Variants in WNT9B observed in about 807,000 individuals in gnomAD.
The protein encoded by WNT9B is Wnt family member 9B.
In WNT9B, 12 loss-of-function variants were observed where a neutral mutation model predicts 30.2. The observed-to-expected ratio is 0.40, with a 90% CI of 0.26 to 0.64. The LOEUF (loss-of-function observed/expected upper bound fraction) is 0.64, where lower values mean the gene tolerates loss of function less well. WNT9B is among the 30% of genes least tolerant of loss of function. The pLI is 0.42. For missense variants in WNT9B, 442 were observed against 485.2 expected, an observed-to-expected ratio of 0.91 and a Z score of 0.84; for synonymous variants, 218 against 216.9, an observed-to-expected ratio of 1.01 and a Z score of -0.05.
At chr17:46,835,904 C>T (rs1003630564) in intron 1 of WNT9B, among the ~76,000 whole-genome samples, 6 of 152,230 alleles carry the variant, frequency 3.9e-5, no homozygotes, top group African/African-American at 4.8e-5. Flanking sequence ...ACAGGAGACC[C>T]GGCCCTTCTC....
Position 46,875,355 on chromosome 17 carries a change from G to A in WNT9B, c.589G>A (p.Val197Met), listed in dbSNP as rs201480547. Reference sequence around the variant, plus strand: ...ACGGGCAGACGCCCACAATACCCACGTGGGCATCAAGGTGAGCATGTCCCT... The same window carrying A: ...ACGGGCAGACGCCCACAATACCCACATGGGCATCAAGGTGAGCATGTCCCT... ...RARADAHNTH[V>M]GIKAVKSGLR... Residue 197 changes from valine (V) to methionine (M), a missense_variant, in exon 3 of 4, where the codon GTG becomes ATG. Transcript: ENST00000290015. 402 of 1,604,430 alleles carry A rather than the reference G, an allele frequency of 2.5e-4. 2 individuals carry two copies. Among genetic ancestry groups the A allele is most frequent in the Middle Eastern group, 2.0e-3 (12 of 6,026 alleles).
intron 1 of WNT9B, among the ~76,000 whole-genome samples, chr17:46,843,851 C>T (rs993909316): frequency 2.6e-5 from 4 of 152,216 alleles, no homozygotes; most frequent in Non-Finnish European, 5.9e-5. Flanking sequence ...ACTGTGTGCT[C>T]CTCAAGGACA....
intron 1 of WNT9B, among the ~76,000 whole-genome samples, chr17:46,841,073 G>T (rs2084707452): frequency 6.6e-6 from 1 of 152,190 alleles, no homozygotes; most frequent in Admixed American, 6.5e-5. Flanking sequence ...GGAGAATTCA[G>T]GTTGGAAGGC....
intron 1 of WNT9B, among the ~76,000 whole-genome samples, chr17:46,852,456 G>A (rs112368867): frequency 3.4e-5 from 5 of 147,862 alleles, no homozygotes; most frequent in African/African-American, 7.5e-5. Flanking sequence ...GGTTGGAAAA[G>A]GAGGATCACA....
At chr17:46,849,341 G>A (rs1236006045), upstream of WNT9B, among the ~76,000 whole-genome samples, 1 of 152,222 alleles carries the variant, frequency 6.6e-6, no homozygotes, top group African/African-American at 2.4e-5. Flanking sequence ...GGGAGAATGT[G>A]CCCTGCCTTC....
At chr17:46,839,069 A>C (rs8075701) in intron 1 of WNT9B, among the ~76,000 whole-genome samples, 69,707 of 151,742 alleles carry the variant, frequency 0.46, 20,136 homozygotes, top group East Asian at 0.88. Context: ...GTAGAGACAG[A>C]CTTTCACCAT....
chr17:46,837,171 G>T (rs539936845), intron 1 of WNT9B, among the ~76,000 whole-genome samples: 89 of 152,252 alleles, frequency 5.8e-4, no homozygotes, highest in Non-Finnish European at 9.7e-4. Flanking sequence ...TTGATCTCTT[G>T]ACCTCGTGAT....
chr17:46,840,062 C>T (rs1598826790), intron 1 of WNT9B, among the ~76,000 whole-genome samples: 1 of 132,388 alleles, frequency 7.6e-6, no homozygotes, highest in Non-Finnish European at 1.6e-5. Context: ...CTCTCTCTTT[C>T]CTTTCTTTCC....
upstream of WNT9B, among the ~76,000 whole-genome samples, chr17:46,850,132 G>A (rs754209000): frequency 2.6e-5 from 4 of 152,212 alleles, no homozygotes; most frequent in Non-Finnish European, 5.9e-5. Context: ...TTACAGGCAT[G>A]AGCCAACGTG....
downstream of WNT9B, among the ~76,000 whole-genome samples, chr17:46,881,603 C>A (rs1036676409): frequency 2.6e-5 from 4 of 152,168 alleles, no homozygotes; most frequent in Admixed American, 1.3e-4. Flanking sequence ...CTCATCTGAG[C>A]CTTACTTTGT....
At chr17:46,872,246 T>C (rs976444381) in intron 1 of WNT9B, among the ~76,000 whole-genome samples, 1 of 152,162 alleles carries the variant, frequency 6.6e-6, no homozygotes, top group African/African-American at 2.4e-5. Flanking sequence ...CCCCAGATGA[T>C]TTTTCTAACT....
At chr17:46,884,803 G>A (rs1007865658), downstream of WNT9B, among the ~76,000 whole-genome samples, 3 of 152,270 alleles carry the variant, frequency 2.0e-5, no homozygotes, top group East Asian at 1.9e-4. Flanking sequence ...CAGTGAAGGC[G>A]ACAGCTGGAC....
upstream of WNT9B, among the ~76,000 whole-genome samples, chr17:46,848,963 C>G (rs1372690227): frequency 6.8e-6 from 1 of 147,648 alleles, no homozygotes; most frequent in Non-Finnish European, 1.5e-5. Context: ...GCTTGGTACA[C>G]AGGAGCTGCT....
chr17:46,864,677 A>G (rs2085102057), intron 1 of WNT9B, among the ~76,000 whole-genome samples: 1 of 151,990 alleles, frequency 6.6e-6, no homozygotes, highest in Admixed American at 6.6e-5. Flanking sequence ...GTGATGGCTG[A>G]TTTGGCTTCC....
downstream of WNT9B, among the ~76,000 whole-genome samples, chr17:46,884,074 C>T (rs1046733149): frequency 5.9e-5 from 9 of 152,108 alleles, no homozygotes; most frequent in Admixed American, 2.0e-4. Context: ...CCTGACCCAG[C>T]GTCCGAATTC....
Position 46,851,682 on chromosome 17 carries a change from T to C in WNT9B, c.44T>C (p.Leu15Pro). The change falls in exon 1 of 4, where the codon CTG becomes CCG. Residue 15 changes from leucine to proline, a missense_variant. Physicochemically the swap from Leu to Pro is moderately conservative, Grantham distance 98. Coordinates refer to ENST00000290015, the MANE Select transcript of WNT9B (RefSeq NM_003396.3). The surrounding 1 kb of genome is among the most constrained non-coding windows in gnomAD (Gnocchi z 4.3). ...PALALAGLCLLALPAAAASYF... is the reference protein window; with the variant it reads ...PALALAGLCLPALPAAAASYF... The stretch of plus-strand genomic sequence containing the variant: ...CTGGCCCTGGCCGGGCTCTGCCTGC[T>C]GGCGCTGCCCGCCGCCGCCGCCTCC... The C allele has an allele frequency of 7.6e-7, 1 of 1,310,848 alleles. No homozygotes were observed. 81.2% of individuals were successfully genotyped at this position (1,310,848 alleles called of 1,614,324 possible). A position where few individuals can be genotyped will look rare whatever the true frequency, so the allele number is the denominator to read the frequency against.
At chr17:46,866,255 C>T (rs976909908) in intron 1 of WNT9B, among the ~76,000 whole-genome samples, 12 of 152,254 alleles carry the variant, frequency 7.9e-5, no homozygotes, top group African/African-American at 2.9e-4. Flanking sequence ...AGCCATGGTG[C>T]CCTCTCTTAC....
At chr17:46,854,635 AAC>A (rs370002354) in intron 1 of WNT9B, among the ~76,000 whole-genome samples, 4 of 152,296 alleles carry the variant, frequency 2.6e-5, no homozygotes, top group East Asian at 1.9e-4. Flanking sequence ...GATAAAAAAA[AAC>A]ATAACTAGTA....
chr17:46,864,486 AC>A (rs1335704099), intron 1 of WNT9B, among the ~76,000 whole-genome samples: 1 of 152,106 alleles, frequency 6.6e-6, no homozygotes, highest in Non-Finnish European at 1.5e-5. Flanking sequence ...CTGATTCCTG[AC>A]TTTTTGCTGA....
Sources: gnomAD v4.1 joint callset for allele counts (sites outside exome capture counted in the v4.1 genomes callset) on GRCh38, gnomAD v4.1.1 for gene constraint, Gnocchi (gnomAD v3.1) non-coding constraint, MANE v1.5 for transcripts, NCBI Gene and HGNC (gene_info 2026-07-23, HGNC 2026-07-21) for gene names.